The following USP34 variants were observed in gnomAD, a reference collection of about 807,000 sequenced individuals.
USP34 encodes the protein ubiquitin carboxyl-terminal hydrolase 34.
In USP34, 70 loss-of-function variants were observed where a neutral mutation model predicts 460.3. The ratio of observed to expected loss-of-function variants is 0.15; its 90% CI spans 0.13 to 0.19. The LOEUF (loss-of-function observed/expected upper bound fraction) is 0.19. USP34 is among the 10% of genes least tolerant of loss of function. The pLI, the probability that USP34 is intolerant of heterozygous loss-of-function variation, is 1.00. For synonymous variants in USP34, 1,647 were observed against 1,405.3 expected, an observed-to-expected ratio of 1.17 and a Z score of -3.85; for missense variants, 3,985 against 4,236.2, an observed-to-expected ratio of 0.94 and a Z score of 1.65.
At chr2:61,343,719 T>C in intron 16 of USP34, 96 bp downstream of exon 16, 1 of 1,288,842 alleles carries the variant, frequency 7.8e-7, no homozygotes, top group South Asian at 1.4e-5. Flanking sequence ...AACATTTAAG[T>C]ACCATAACCT....
chr2:61,296,603 ACATTATTCACC>A (rs1690038340), intron 30 of USP34, among the ~76,000 whole-genome samples, 186 bp downstream of exon 30: 1 of 152,244 alleles, frequency 6.6e-6, no homozygotes, highest in Non-Finnish European at 1.5e-5. Flanking sequence ...AGCCTCTGAT[ACATTATTCACC>A]CATTATTCAC....
At chr2:61,401,538 CTATTT>C (rs567409927) in intron 3 of USP34, among the ~76,000 whole-genome samples, 1 of 118,660 alleles carries the variant, frequency 8.4e-6, no homozygotes, top group Non-Finnish European at 1.8e-5. Flanking sequence ...GTACCTGGCC[CTATTT>C]TTTTTTTTTT....
At position 61,375,545 on chromosome 2, in the gene USP34, G is replaced by A. The variant is rs574822781; in HGVS notation, c.1076+2818C>T. Among the ~76,000 whole-genome samples the A allele has an allele frequency of 2.0e-4, 30 of 152,108 alleles. No individual in the cohort carries two copies. The East Asian group carries it at 2.1e-3, about 11-fold the overall frequency. The stretch of plus-strand genomic sequence containing the variant: ...AGCACTTTGGGAGGCCAAGGCAGGC[G>A]GATCACGAGGTCAGGAGATCGAGTC... On this transcript the variant is annotated intron_variant, in intron 8 of 79. Coordinates refer to ENST00000398571, the MANE Select transcript of USP34 (RefSeq NM_014709.4).
At chr2:61,263,341 G>A (rs1226786864) in intron 43 of USP34, among the ~76,000 whole-genome samples, 1 of 151,362 alleles carries the variant, frequency 6.6e-6, no homozygotes, top group Non-Finnish European at 1.5e-5. Flanking sequence ...CATCATGCCT[G>A]GCTAATTTTC....
chr2:61,276,737 A>G (rs1444244958), intron 41 of USP34, among the ~76,000 whole-genome samples: 1 of 152,204 alleles, frequency 6.6e-6, no homozygotes, highest in Admixed American at 6.5e-5. Flanking sequence ...AATCATTTCC[A>G]GTGAGTCTAA....
At chr2:61,371,442 G>T (rs1481681013) in intron 8 of USP34, among the ~76,000 whole-genome samples, 2 of 90,336 alleles carry the variant, frequency 2.2e-5, no homozygotes, top group African/African-American at 7.7e-5. Context: ...TTATTAAAAA[G>T]TTAAAAAAAA....
At chr2:61,438,833 G>C (rs959214125) in intron 1 of USP34, among the ~76,000 whole-genome samples, 1 of 152,180 alleles carries the variant, frequency 6.6e-6, no homozygotes, top group Non-Finnish European at 1.5e-5. Flanking sequence ...AGACAAAGTA[G>C]TTCTGGGCAT....
rs11339335 is a variant in USP34 at position 61,248,185 on chromosome 2, CAA to C, written c.6394+324_6394+325del. ...ACAAAATAAGACTGTCTCAGAAGAC[CAA>C]AAAAAAAAAAAAAAAAAAACCCCCA... On this transcript the variant is annotated intron_variant, in intron 49 of 79. Coordinates refer to ENST00000398571, the MANE Select transcript of USP34 (RefSeq NM_014709.4). 8.0e-3 allele frequency among the ~76,000 whole-genome samples: 559 copies of C among 69,552 alleles called. 2 individuals are homozygous for C. Among genetic ancestry groups the C allele is most frequent in the Middle Eastern group, 0.025 (3 of 120 alleles). 45.6% of individuals were successfully genotyped at this position (69,552 alleles called of 152,430 possible).
At chr2:61,247,555 G>A (rs994495047) in intron 49 of USP34, among the ~76,000 whole-genome samples, 2 of 152,154 alleles carry the variant, frequency 1.3e-5, no homozygotes, top group Admixed American at 1.3e-4. Context: ...AATAGATGGA[G>A]TCTTGCTCTA....
chr2:61,276,872 T>C (rs1031730289), intron 41 of USP34, among the ~76,000 whole-genome samples: 5 of 152,224 alleles, frequency 3.3e-5, no homozygotes, highest in African/African-American at 1.2e-4. Flanking sequence ...CTTTAGTCTA[T>C]GCCTATGAGG....
At chr2:61,353,569 G>GTT (rs200338931) in intron 10 of USP34, among the ~76,000 whole-genome samples, 1 of 121,180 alleles carries the variant, frequency 8.3e-6, no homozygotes, top group Admixed American at 8.2e-5. Flanking sequence ...TTTTGTTTTT[G>GTT]TTTTTGTTTT....
At chr2:61,319,000 C>T (rs576167844) in intron 22 of USP34, among the ~76,000 whole-genome samples, 173 bp downstream of exon 22, 1 of 150,498 alleles carries the variant, frequency 6.6e-6, no homozygotes, top group Non-Finnish European at 1.5e-5. Context: ...ACAGTGTAAA[C>T]AACAAAATTA....
At chr2:61,347,510 A>C (rs1328246920) in intron 15 of USP34, among the ~76,000 whole-genome samples, 1 of 152,100 alleles carries the variant, frequency 6.6e-6, no homozygotes, top group African/African-American at 2.4e-5. Flanking sequence ...AGTAGCTGGG[A>C]TTACAGGCGT....
intron 2 of USP34, among the ~76,000 whole-genome samples, chr2:61,409,511 C>T (rs1436580774): frequency 2.0e-5 from 3 of 152,042 alleles, no homozygotes; most frequent in East Asian, 1.9e-4. Flanking sequence ...GTCAGGAGTT[C>T]GAGACCAGCC....
chr2:61,235,733 C>T, intron 57 of USP34, 112 bp downstream of exon 57: 3 of 958,970 alleles, frequency 3.1e-6, no homozygotes, highest in Non-Finnish European at 4.6e-6. Context: ...GAATGACTTC[C>T]ATTTGGCTCC....
intron 3 of USP34, among the ~76,000 whole-genome samples, chr2:61,395,649 A>C (rs981286860): frequency 6.7e-6 from 1 of 149,602 alleles, no homozygotes; most frequent in East Asian, 2.0e-4. Flanking sequence ...AGCCGGGCGC[A>C]GTGGCGGGCG....
chr2:61,442,050 G>T (rs1573045828), intron 1 of USP34, among the ~76,000 whole-genome samples: 1 of 152,158 alleles, frequency 6.6e-6, no homozygotes, highest in Non-Finnish European at 1.5e-5. Flanking sequence ...AATGAATGGT[G>T]CTAGGAAAAC....
intron 1 of USP34, among the ~76,000 whole-genome samples, chr2:61,442,442 GCACA>G (rs987410714): frequency 9.6e-5 from 14 of 145,144 alleles, no homozygotes; most frequent in South Asian, 8.6e-4. Context: ...AATTAAAAAT[GCACA>G]CACAATGTGA....
intron 29 of USP34, among the ~76,000 whole-genome samples, chr2:61,298,117 T>C (rs558375121): frequency 1.3e-5 from 2 of 152,220 alleles, no homozygotes; most frequent in Non-Finnish European, 2.9e-5. Context: ...TCATGAGACA[T>C]ACACAGTAAA....
Sources: gnomAD v4.1 joint callset for allele counts (sites outside exome capture counted in the v4.1 genomes callset) on GRCh38, gnomAD v4.1.1 for gene constraint, MANE v1.5 for transcripts, NCBI Gene and HGNC (gene_info 2026-07-23, HGNC 2026-07-21) for gene names.